The following PCDHB2 variants were observed in gnomAD, a reference collection of about 807,000 sequenced individuals.
PCDHB2 encodes protocadherin beta-2.
For missense variants in PCDHB2, 914 were observed against 1,023.1 expected (o/e 0.89, Z 1.45); for synonymous variants, 395 against 464.9 (o/e 0.85, Z 1.93).
rs1554271572 is a variant in PCDHB2, at chr5:141,096,634, G to C, written c.1844G>C (p.Gly615Ala). 1.2e-6 allele frequency: 2 copies of C among 1,608,380 alleles called. No individual in the cohort carries two copies. The highest frequency in any genetic ancestry group is 1.7e-6 in the Non-Finnish European group (2 of 1,179,544). The change falls in exon 1 of 1, where the codon GGG becomes GCG. Residue 615 changes from glycine to alanine, a missense_variant. Physicochemically the swap from Gly to Ala is moderately conservative, Grantham distance 60. Transcript: ENST00000194155. ...SYQLLKATEP[G>A]LFGVWAHNGE... Reference sequence around the variant, plus strand: ...CAGCTGCTCAAGGCCACGGAGCCCGGGCTGTTCGGCGTGTGGGCGCACAAT... The same window carrying C: ...CAGCTGCTCAAGGCCACGGAGCCCGCGCTGTTCGGCGTGTGGGCGCACAAT...
In PCDHB2 at chr5:141,095,961, C is replaced by G. The variant is rs2149612352; in HGVS notation, c.1171C>G (p.Leu391Val). ...GATGGTGTGCTCCATCCAAGATGAT[C>G]TTCCTTTTTTCTTGAAACCTTCTGT... ...GRMVCSIQDD[L>V]PFFLKPSVEN... The change falls in exon 1 of 1, where the codon CTT becomes GTT. Residue 391 changes from leucine (L) to valine (V), a missense_variant. Transcript: ENST00000194155. 6.2e-7 allele frequency: 1 copy of G among 1,614,196 alleles called. No individual in the cohort carries two copies. The highest frequency in any genetic ancestry group is 1.1e-5 in the South Asian group (1 of 91,084).
chr5:141,095,742 A>G lies in PCDHB2; in HGVS notation c.952A>G (p.Thr318Ala). 6.2e-7 allele frequency: 1 copy of G among 1,614,178 alleles called. No individual in the cohort carries two copies. The highest frequency in any genetic ancestry group is 8.5e-7 in the Non-Finnish European group (1 of 1,180,016). ...GGATTTCGAATCCATCCAGACATAC[A>G]CAGTAAATATTCAGGCGACAGATGG... Reference protein sequence around the residue: ...KLDFESIQTYTVNIQATDGGG... With the variant: ...KLDFESIQTYAVNIQATDGGG... The change falls in exon 1 of 1, where the codon ACA (threonine) becomes GCA (alanine). Residue 318 changes from threonine (T) to alanine (A), a missense_variant. Physicochemically the swap from Thr to Ala is moderately conservative, Grantham distance 58. Coordinates refer to ENST00000194155, the MANE Select transcript of PCDHB2 (RefSeq NM_018936.4).
At position 141,097,861 on chromosome 5, in the gene PCDHB2, G is replaced by A. The variant is rs1220510772; in HGVS notation, c.*674G>A. On this transcript the variant is annotated 3_prime_UTR_variant, in exon 1 of 1. Coordinates refer to ENST00000194155, the MANE Select transcript of PCDHB2 (RefSeq NM_018936.4). ...ATTACAGGCATGCATCATTATGCCCGGCTAATTTTGTATTTTTAGTAGAGA... is the reference window on the plus strand; with the variant it reads ...ATTACAGGCATGCATCATTATGCCCAGCTAATTTTGTATTTTTAGTAGAGA... 2 of 151,924 alleles carry A rather than the reference G, an allele frequency of 1.3e-5. No homozygotes were observed. Among genetic ancestry groups the A allele is most frequent in the African/African-American group, 4.8e-5 (2 of 41,354 alleles). The allele number at this position is 151,924 out of a possible 1,614,324, so 9.4% of individuals were successfully genotyped here.
In PCDHB2 at chr5:141,096,875, G is replaced by T. The variant is rs17096879; in HGVS notation, c.2085G>T (p.Ala695=). The T allele has an allele frequency of 2.5e-6, 4 of 1,611,660 alleles. No homozygotes were observed. Among genetic ancestry groups the T allele is most frequent in the Non-Finnish European group, 2.5e-6 (3 of 1,179,814 alleles). ...TGCTCACCGTCTACCTGGTGGTGGC[G>T]TTGGCCTCGGTGTCTTCGCTCTTCC... ...ADLLTVYLVV[A]LASVSSLFLF... Residue 695 remains alanine (A), a synonymous_variant, in exon 1 of 1, where the codon GCG becomes GCT. Coordinates refer to ENST00000194155, the MANE Select transcript of PCDHB2 (RefSeq NM_018936.4).
Position 141,094,847 on chromosome 5 carries a change from C to A in PCDHB2, c.57C>A (p.Phe19Leu), listed in dbSNP as rs1751765065. 1 of 1,601,954 alleles carries A rather than the reference C, an allele frequency of 6.2e-7. No individual in the cohort carries two copies. The highest frequency in any genetic ancestry group is 8.5e-7 in the Non-Finnish European group (1 of 1,175,586). Residue 19 changes from phenylalanine (F) to leucine (L), a missense_variant, in exon 1 of 1, where the codon TTC (phenylalanine) becomes TTA (leucine). Transcript: ENST00000194155. Reference protein sequence around the residue: ...RVPKQRQVLIFFVLLGIAQAS... With the variant: ...RVPKQRQVLILFVLLGIAQAS... ...CGAAACAAAGGCAAGTCCTGATATT[C>A]TTTGTTTTGCTGGGCATAGCTCAGG...
rs1554271333 is a variant in PCDHB2 at position 141,095,809 on chromosome 5, T to C, written c.1019T>C (p.Met340Thr). The C allele has an allele frequency of 1.2e-6, 2 of 1,614,070 alleles. No homozygotes were observed. The highest frequency in any genetic ancestry group is 4.5e-5 in the East Asian group (2 of 44,882). ...ACTTGTGTGGTATTTGTCCAAGTGATGGATTTGAATGACAATCCTCCGGAA... is the reference window on the plus strand; with the variant it reads ...ACTTGTGTGGTATTTGTCCAAGTGACGGATTTGAATGACAATCCTCCGGAA... ...SGTCVVFVQV[M>T]DLNDNPPELT... Residue 340 changes from methionine (M) to threonine (T), a missense_variant, in exon 1 of 1, where the codon ATG (methionine) becomes ACG (threonine). Physicochemically the swap from Met to Thr is moderately conservative, Grantham distance 81. Transcript: ENST00000194155.
Position 141,096,273 on chromosome 5 carries a change from C to T in PCDHB2, c.1483C>T (p.Pro495Ser), listed in dbSNP as rs546682262. The T allele has an allele frequency of 8.7e-6, 14 of 1,613,246 alleles. No homozygotes were observed. In the East Asian group the frequency reaches 2.7e-4, roughly 31 times the overall value. ...CCAGGTCACCTACTCGCTGCTGCCG[C>T]CCCAGGACCCGCACCTGCCCCTCGC... ...NAQVTYSLLPPQDPHLPLASL... is the reference protein window; with the variant it reads ...NAQVTYSLLPSQDPHLPLASL... Residue 495 changes from proline (P) to serine (S), a missense_variant, in exon 1 of 1, where the codon CCC becomes TCC. Coordinates refer to ENST00000194155, the MANE Select transcript of PCDHB2 (RefSeq NM_018936.4).
chr5:141,097,873 A>G lies in PCDHB2; in HGVS notation c.*686A>G, dbSNP rs540936387. The G allele has an allele frequency of 6.6e-6, 1 of 151,982 alleles. No homozygotes were observed. Among genetic ancestry groups the G allele is most frequent in the East Asian group, 1.9e-4 (1 of 5,162 alleles). 9.4% of individuals were successfully genotyped at this position (151,982 alleles called of 1,614,324 possible). A position where few individuals can be genotyped will look rare whatever the true frequency, so the allele number is the denominator to read the frequency against. On this transcript the variant is annotated 3_prime_UTR_variant, in exon 1 of 1. Coordinates refer to ENST00000194155, the MANE Select transcript of PCDHB2 (RefSeq NM_018936.4). ...CATCATTATGCCCGGCTAATTTTGT[A>G]TTTTTAGTAGAGACAGGGTGTCTCC...
Position 141,096,396 on chromosome 5 carries a change from G to T in PCDHB2, c.1606G>T (p.Ala536Ser), listed in dbSNP as rs17844376. Residue 536 changes from alanine to serine, a missense_variant, in exon 1 of 1, where the codon GCA becomes TCA. Transcript: ENST00000194155. ...GGCGTTCGAGTTCCGCGTGGGCGCCGCAGACCGCGGCTCCCCGGCGTTGAG... is the reference window on the plus strand; with the variant it reads ...GGCGTTCGAGTTCCGCGTGGGCGCCTCAGACCGCGGCTCCCCGGCGTTGAG... ...LQAFEFRVGA[A>S]DRGSPALSSE... is the part of the protein sequence containing the mutation. The T allele has an allele frequency of 4.5e-5, 72 of 1,601,958 alleles. No homozygotes were observed. Among genetic ancestry groups the T allele is most frequent in the Middle Eastern group, 2.0e-4 (1 of 4,888 alleles).
rs1751767963 is a variant in PCDHB2, at chr5:141,094,943, A to AAAC, written c.155_156insCAA (p.Leu51_Lys52insAsn). ...GTGGCTCCTTTGTGGCCAATTTGTT[A>AAAC]AAAGACCTGGGGCTGGAGATAGGAG... On this transcript the variant is annotated inframe_insertion, in exon 1 of 1. Coordinates refer to ENST00000194155, the MANE Select transcript of PCDHB2 (RefSeq NM_018936.4). The AAAC allele has an allele frequency of 6.2e-7, 1 of 1,614,152 alleles. No individual in the cohort carries two copies. The highest frequency in any genetic ancestry group is 1.1e-5 in the South Asian group (1 of 91,074).
At position 141,095,123 on chromosome 5, in the gene PCDHB2, A is replaced by G; in HGVS notation, c.333A>G (p.Leu111=). ...CCTGTGTCCTACCTTTCCAGGTGTT[A>G]CTAGAAAATCCCTTGCAGTTTTTTC... ...TEPCVLPFQV[L]LENPLQFFQA... The change falls in exon 1 of 1, where the codon TTA becomes TTG. Residue 111 remains leucine (L), a synonymous_variant. Coordinates refer to ENST00000194155, the MANE Select transcript of PCDHB2 (RefSeq NM_018936.4). 1 of 1,614,010 alleles carries G rather than the reference A, an allele frequency of 6.2e-7. No individual in the cohort carries two copies. The highest frequency in any genetic ancestry group is 1.1e-5 in the South Asian group (1 of 91,060).
Position 141,096,021 on chromosome 5 carries a change from C to A in PCDHB2, c.1231C>A (p.Leu411Met). The change falls in exon 1 of 1, where the codon CTG becomes ATG. Residue 411 changes from leucine (L) to methionine (M), a missense_variant. Coordinates refer to ENST00000194155, the MANE Select transcript of PCDHB2 (RefSeq NM_018936.4). ...TTACACTCTGGTGATAAGCACGGCC[C>A]TGGACCGGGAGACCAGATCCGAATA... ...NFYTLVISTA[L>M]DRETRSEYNI... The A allele has an allele frequency of 1.2e-6, 2 of 1,614,136 alleles. No individual in the cohort carries two copies. Among genetic ancestry groups the A allele is most frequent in the Non-Finnish European group, 1.7e-6 (2 of 1,180,032 alleles).
chr5:141,096,262 C>A lies in PCDHB2; in HGVS notation c.1472C>A (p.Ser491Ter). Residue 491 changes from serine to a stop codon, truncating the protein, a stop_gained, in exon 1 of 1, where the codon TCG (serine) becomes TAG (stop). Coordinates refer to ENST00000194155, the MANE Select transcript of PCDHB2 (RefSeq NM_018936.4). LOFTEE classifies it low-confidence loss of function (END_TRUNC). ...DSGTNAQVTYSLLPPQDPHLP... is the reference protein window; with the variant it reads ...DSGTNAQVTY ...GGCACCAACGCCCAGGTCACCTACT[C>A]GCTGCTGCCGCCCCAGGACCCGCAC... 1.2e-6 allele frequency: 2 copies of A among 1,613,128 alleles called. No individual in the cohort carries two copies. The highest frequency in any genetic ancestry group is 1.7e-6 in the Non-Finnish European group (2 of 1,180,044).
At position 141,096,885 on chromosome 5, in the gene PCDHB2, G is replaced by T. The variant is rs781946742; in HGVS notation, c.2095G>T (p.Val699Leu). 36 of 1,611,880 alleles carry T rather than the reference G, an allele frequency of 2.2e-5. No individual in the cohort carries two copies. In the South Asian group the frequency reaches 3.4e-4, roughly 15 times the overall value. The change falls in exon 1 of 1, where the codon GTG becomes TTG. Residue 699 changes from valine (V) to leucine (L), a missense_variant. Physicochemically the swap from Val to Leu is conservative, Grantham distance 32. Transcript: ENST00000194155. Reference protein sequence around the residue: ...TVYLVVALASVSSLFLFSVLL... With the variant: ...TVYLVVALASLSSLFLFSVLL... ...CTACCTGGTGGTGGCGTTGGCCTCG[G>T]TGTCTTCGCTCTTCCTCTTCTCGGT... is the stretch of plus-strand genomic sequence containing the variant.
At position 141,096,212 on chromosome 5, in the gene PCDHB2, C is replaced by T. The variant is rs151295670; in HGVS notation, c.1422C>T (p.Ser474=). The T allele has an allele frequency of 6.6e-4, 1,068 of 1,612,222 alleles. No individual in the cohort carries two copies. Among genetic ancestry groups the T allele is most frequent in the East Asian group, 3.6e-3 (161 of 44,848 alleles). Residue 474 remains serine, a synonymous_variant, in exon 1 of 1, where the codon AGC becomes AGT. Coordinates refer to ENST00000194155, the MANE Select transcript of PCDHB2 (RefSeq NM_018936.4). Reference sequence around the variant, plus strand: ...ACAGCCCCGCCCTGCACATCGGCAGCGTCAGCGCCACAGACAGAGACTCGG... The same window carrying T: ...ACAGCCCCGCCCTGCACATCGGCAGTGTCAGCGCCACAGACAGAGACTCGG... ...ENNSPALHIG[S]VSATDRDSGT...
chr5:141,097,639 T>G lies in PCDHB2; in HGVS notation c.*452T>G, dbSNP rs765716357. 2 of 153,368 alleles carry G rather than the reference T, an allele frequency of 1.3e-5. No individual in the cohort carries two copies. Among genetic ancestry groups the G allele is most frequent in the Non-Finnish European group, 2.9e-5 (2 of 68,928 alleles). The allele number at this position is 153,368 out of a possible 1,614,324, so 9.5% of individuals were successfully genotyped here. A position where few individuals can be genotyped will look rare whatever the true frequency, so the allele number is the denominator to read the frequency against. On this transcript the variant is annotated 3_prime_UTR_variant, in exon 1 of 1. Transcript: ENST00000194155. ...AATTCACATTGGCTAACCCTTTAAA[T>G]AGGTATATTTATGAATAATATAGCA...
Position 141,095,429 on chromosome 5 carries a change from C to T in PCDHB2, c.639C>T (p.Thr213=). 3.7e-6 allele frequency: 6 copies of T among 1,614,118 alleles called. No homozygotes were observed. The highest frequency in any genetic ancestry group is 5.1e-6 in the Non-Finnish European group (6 of 1,180,022). The change falls in exon 1 of 1, where the codon ACC becomes ACT. Residue 213 remains threonine, a synonymous_variant. Coordinates refer to ENST00000194155, the MANE Select transcript of PCDHB2 (RefSeq NM_018936.4). The part of the protein sequence containing the change: ...DREEQPEIRL[T]LTALDGGSPP... ...AGGAGCAGCCTGAGATCAGGTTAAC[C>T]CTCACAGCGCTAGATGGCGGGAGTC...
Position 141,097,070 on chromosome 5 carries a change from C to T in PCDHB2, c.2280C>T (p.Gly760=). The T allele has an allele frequency of 6.2e-7, 1 of 1,613,004 alleles. No individual in the cohort carries two copies. Among genetic ancestry groups the T allele is most frequent in the Non-Finnish European group, 8.5e-7 (1 of 1,179,304 alleles). The change falls in exon 1 of 1, where the codon GGC becomes GGT. Residue 760 remains glycine, a synonymous_variant. Coordinates refer to ENST00000194155, the MANE Select transcript of PCDHB2 (RefSeq NM_018936.4). The part of the protein sequence containing the change: ...SYQYEVCLTG[G]SGTNEFKFLK... Reference sequence around the variant, plus strand: ...AGTACGAGGTGTGTCTGACTGGAGGCTCCGGGACAAATGAGTTCAAGTTCC... The same window carrying T: ...AGTACGAGGTGTGTCTGACTGGAGGTTCCGGGACAAATGAGTTCAAGTTCC...
In PCDHB2 at chr5:141,096,339, G is replaced by C; in HGVS notation, c.1549G>C (p.Ala517Pro). The change falls in exon 1 of 1, where the codon GCT becomes CCT. Residue 517 changes from alanine (A) to proline (P), a missense_variant. Transcript: ENST00000194155. ...CAACGCGGACAACGGCCACCTGTTCGCTCTCCAGTCGCTGGACTACGAGGC... is the reference window on the plus strand; with the variant it reads ...CAACGCGGACAACGGCCACCTGTTCCCTCTCCAGTCGCTGGACTACGAGGC... ...SINADNGHLFALQSLDYEALQ... is the reference protein window; with the variant it reads ...SINADNGHLFPLQSLDYEALQ... The C allele has an allele frequency of 1.2e-6, 2 of 1,613,276 alleles. No individual in the cohort carries two copies. The highest frequency in any genetic ancestry group is 1.7e-6 in the Non-Finnish European group (2 of 1,179,892).
Sources: allele counts gnomAD v4.1 joint callset, GRCh38; gene constraint gnomAD v4.1.1; transcripts MANE v1.5; gene names NCBI Gene and HGNC (gene_info 2026-07-23, HGNC 2026-07-21).